MCOLN2: variants seen among roughly 807,000 people sequenced by gnomAD.
MCOLN2 encodes the protein mucolipin-2.
A neutral mutation model predicts 67.5 loss-of-function variants in MCOLN2; 57 were observed. The ratio of observed to expected loss-of-function variants is 0.84; its 90% confidence interval spans 0.68 to 1.05. The LOEUF (loss-of-function observed/expected upper bound fraction) is 1.05. Among genes scored for constraint, MCOLN2 ranks in the 50% least tolerant of loss-of-function variants. The pLI, the probability that MCOLN2 is intolerant of heterozygous loss-of-function variation, is 0.00. For missense variants in MCOLN2, 620 were observed against 678.8 expected (o/e 0.91, Z 0.96); for synonymous variants, 246 against 233.3 (o/e 1.05, Z -0.50).
intron 6 of MCOLN2, 66 bp from the exon 7 acceptor site, chr1:84,947,198 G>A (rs1298191059): frequency 9.6e-6 from 8 of 833,176 alleles, no homozygotes; most frequent in Non-Finnish European, 4.0e-6. Context: ...GATCAAATCT[G>A]CTTAAAAAAA....
At position 84,996,889 on chromosome 1, in the gene MCOLN2, C is replaced by T; in HGVS notation, c.-17G>A. 1.2e-6 allele frequency: 2 copies of T among 1,611,832 alleles called. No individual in the cohort carries two copies. The highest frequency in any genetic ancestry group is 1.7e-4 in the Middle Eastern group (1 of 6,056). The stretch of plus-strand genomic sequence containing the variant: ...CCGGGCCATGCCTCCTCCTTCAAAA[C>T]TTTCCAGGGCTCTCGGGATTCGGAA... On this transcript the variant is annotated 5_prime_UTR_variant, in exon 1 of 14. Transcript: ENST00000370608.
In MCOLN2 at chr1:84,993,240, TTC is replaced by T. The variant is rs578074115; in HGVS notation, c.77+3554_77+3555del. ...TAGTTTGATCATGAGATTGCAGCAATTCTGTCACATCTTCAGGCTTCTCTTCT... is the reference window on the plus strand; with the variant it reads ...TAGTTTGATCATGAGATTGCAGCAATTGTCACATCTTCAGGCTTCTCTTCT... On this transcript the variant is annotated intron_variant, in intron 1 of 13. Coordinates refer to ENST00000370608, the MANE Select transcript of MCOLN2 (RefSeq NM_153259.4). Among the ~76,000 whole-genome samples the T allele has an allele frequency of 8.5e-5, 13 of 152,362 alleles. No individual in the cohort carries two copies. In the East Asian group the frequency reaches 2.5e-3, roughly 29 times the overall value.
At chr1:84,937,617 A>G in intron 11 of MCOLN2, 138 bp downstream of exon 11, 2 of 1,442,230 alleles carry the variant, frequency 1.4e-6, no homozygotes, top group Non-Finnish European at 1.8e-6. Flanking sequence ...AAAGAAAAAG[A>G]AAACTGATAC....
intron 1 of MCOLN2, among the ~76,000 whole-genome samples, chr1:84,982,277 T>A (rs1354586973): frequency 6.6e-6 from 1 of 152,178 alleles, no homozygotes; most frequent in Non-Finnish European, 1.5e-5. Context: ...TTGCTGCATT[T>A]GGCAATTCAT....
chr1:84,929,706 C>T (rs747742529), intron 12 of MCOLN2, 27 bp from the exon 13 acceptor site: 3 of 1,598,872 alleles, frequency 1.9e-6, no homozygotes, highest in Admixed American at 1.7e-5. Flanking sequence ...ATGTTGTTAC[C>T]TTATTTATAA....
chr1:84,935,580 A>G (rs1458100953), intron 11 of MCOLN2, among the ~76,000 whole-genome samples: 1 of 152,206 alleles, frequency 6.6e-6, no homozygotes, highest in African/African-American at 2.4e-5. Context: ...AAATATTTCA[A>G]TATTTTATAC....
At position 84,952,312 on chromosome 1, in the gene MCOLN2, A is replaced by T; in HGVS notation, c.678T>A (p.His226Gln). 1 of 1,613,522 alleles carries T rather than the reference A, an allele frequency of 6.2e-7. No homozygotes were observed. ...TTGTCTGTAGGTCAATGCCTTTAAG[A>T]TGAAAGGAGATTTCAACCTGTAAGA... is the stretch of plus-strand genomic sequence containing the variant. ...YRLLQVEISF[H>Q]LKGIDLQTIH... The change falls in exon 6 of 14, where the codon CAT (histidine) becomes CAA (glutamine). Residue 226 changes from histidine to glutamine, a missense_variant. By Grantham distance (24) the His-to-Gln change is conservative. Transcript: ENST00000370608.
intron 1 of MCOLN2, 126 bp from the exon 2 acceptor site, chr1:84,965,834 G>T: frequency 3.6e-4 from 236 of 647,034 alleles, no homozygotes; most frequent in East Asian, 5.0e-4. Context: ...GCCTCTTTAT[G>T]AACACAAAAT....
chr1:84,973,073 C>T (rs924227131), intron 1 of MCOLN2, among the ~76,000 whole-genome samples: 1 of 152,078 alleles, frequency 6.6e-6, no homozygotes, highest in Non-Finnish European at 1.5e-5. Context: ...TGAGAAGAAA[C>T]TATTAGGGCT....
chr1:84,993,343 A>G (rs1217768750), intron 1 of MCOLN2, among the ~76,000 whole-genome samples: 1 of 152,240 alleles, frequency 6.6e-6, no homozygotes, highest in African/African-American at 2.4e-5. Context: ...TGCCATTAAA[A>G]GTAAGGACAA....
intron 1 of MCOLN2, among the ~76,000 whole-genome samples, chr1:84,989,424 A>C (rs1435825212): frequency 1.3e-5 from 2 of 152,184 alleles, no homozygotes; most frequent in Non-Finnish European, 2.9e-5. Context: ...TGGTTTGCTG[A>C]TGATAGAAAC....
intron 1 of MCOLN2, among the ~76,000 whole-genome samples, chr1:84,988,817 T>C (rs553525433): frequency 2.0e-5 from 3 of 152,200 alleles, no homozygotes; most frequent in African/African-American, 7.2e-5. Flanking sequence ...ACTCCTCCCA[T>C]ACCCTCTTCC....
chr1:84,945,628 A>C (rs1175767887), intron 7 of MCOLN2, among the ~76,000 whole-genome samples: 3 of 152,366 alleles, frequency 2.0e-5, no homozygotes, highest in East Asian at 3.9e-4. Flanking sequence ...ATTTAAACAA[A>C]ATCTGCAAAA....
chr1:84,964,871 C>T (rs902215571), intron 2 of MCOLN2, among the ~76,000 whole-genome samples: 12 of 130,736 alleles, frequency 9.2e-5, no homozygotes, highest in African/African-American at 3.7e-4. Flanking sequence ...CCATGGGGAG[C>T]AGCTAAAAAA....
At chr1:84,943,699 C>T (rs1647923494) in intron 7 of MCOLN2, among the ~76,000 whole-genome samples, 1 of 152,190 alleles carries the variant, frequency 6.6e-6, no homozygotes, top group African/African-American at 2.4e-5. Context: ...GTAAATGCAA[C>T]TCTCTGAGCA....
Position 84,958,537 on chromosome 1 carries a change from T to C in MCOLN2, c.403A>G (p.Ile135Val), listed in dbSNP as rs776851007. ...CACAACAAAACACTTGCCTGATTAA[T>C]AGCAAAAAAGATGCTCTCATAGGCA... ...EDAYESIFFAINQYHQLKDIT... is the reference protein window; with the variant it reads ...EDAYESIFFAVNQYHQLKDIT... Residue 135 changes from isoleucine (I) to valine (V), a missense_variant, in exon 3 of 14, where the codon ATT (isoleucine) becomes GTT (valine). Coordinates refer to ENST00000370608, the MANE Select transcript of MCOLN2 (RefSeq NM_153259.4). 1.9e-6 allele frequency: 3 copies of C among 1,601,304 alleles called. No homozygotes were observed. The highest frequency in any genetic ancestry group is 3.6e-5 in the Admixed American group (2 of 55,732).
intron 1 of MCOLN2, among the ~76,000 whole-genome samples, chr1:84,972,390 C>T (rs1007866140): frequency 2.1e-4 from 32 of 152,010 alleles, no homozygotes; most frequent in African/African-American, 7.5e-4. Context: ...TTAATAATGG[C>T]AGCACTAAAG....
intron 3 of MCOLN2, among the ~76,000 whole-genome samples, chr1:84,958,268 C>T (rs765780760): frequency 6.6e-6 from 1 of 152,068 alleles, no homozygotes; most frequent in African/African-American, 2.4e-5. Context: ...TCTACTCTTG[C>T]TATTTGATCT....
chr1:84,977,161 G>A (rs1650029336), intron 1 of MCOLN2, among the ~76,000 whole-genome samples: 1 of 151,846 alleles, frequency 6.6e-6, no homozygotes, highest in Non-Finnish European at 1.5e-5. Flanking sequence ...ATGCAAATAG[G>A]GTTAGGTTGT....
Sources: gnomAD v4.1 joint callset for allele counts (sites outside exome capture counted in the v4.1 genomes callset) on GRCh38, gnomAD v4.1.1 for gene constraint, MANE v1.5 for transcripts, NCBI Gene and HGNC (gene_info 2026-07-23, HGNC 2026-07-21) for gene names.